FANCC: variants seen among roughly 807,000 people sequenced by gnomAD.
The protein encoded by FANCC is FA complementation group C.
Under a neutral mutation model 71.3 loss-of-function variants are expected in FANCC, and 55 were observed. The observed-to-expected ratio is 0.77, with a 90% confidence interval of 0.62 to 0.97. The LOEUF (loss-of-function observed/expected upper bound fraction) is 0.97, where lower values mean the gene tolerates loss of function less well. Among genes scored for constraint, FANCC ranks in the 50% least tolerant of loss-of-function variants. FANCC has a pLI of 0.00. For missense variants in FANCC, 678 were observed against 670.9 expected, an observed-to-expected ratio of 1.01 and a Z score of -0.12; for synonymous variants, 275 against 244.9, an observed-to-expected ratio of 1.12 and a Z score of -1.15.
intron 1 of FANCC, among the ~76,000 whole-genome samples, chr9:95,310,673 G>C (rs1292312248): frequency 6.6e-6 from 1 of 152,036 alleles, no homozygotes; most frequent in African/African-American, 2.4e-5. Context: ...ACCAATAAAA[G>C]TCCACCCCCA....
intron 1 of FANCC, chr9:95,294,833 T>C: frequency 3.3e-6 from 5 of 1,509,772 alleles, no homozygotes; most frequent in Non-Finnish European, 3.5e-6. Flanking sequence ...AGTCCATGTG[T>C]GAGACGGCAT....
chr9:95,116,765 C>T (rs1306057888), intron 11 of FANCC, among the ~76,000 whole-genome samples: 1 of 152,226 alleles, frequency 6.6e-6, no homozygotes, highest in East Asian at 1.9e-4. Flanking sequence ...CATCACTTCC[C>T]CAGCTGGATA....
chr9:95,140,726 T>C (rs1828527302), intron 7 of FANCC, among the ~76,000 whole-genome samples: 1 of 152,160 alleles, frequency 6.6e-6, no homozygotes, highest in African/African-American at 2.4e-5. Context: ...TTATGGAGAA[T>C]TGCTTACTTC....
chr9:95,099,408 C>T lies in FANCC; in HGVS notation c.*2299G>A, dbSNP rs972616013. 3.1e-5 allele frequency: 7 copies of T among 227,610 alleles called. No homozygotes were observed. The highest frequency in any genetic ancestry group is 9.0e-5 in the African/African-American group (4 of 44,588). 14.1% of individuals were successfully genotyped at this position (227,610 alleles called of 1,614,324 possible). ...TGCCCCTGTGCCCAGGCCCCGCCAACGCCGTCAAGGCCCCCTCGGCCACGC... is the reference window on the plus strand; with the variant it reads ...TGCCCCTGTGCCCAGGCCCCGCCAATGCCGTCAAGGCCCCCTCGGCCACGC... On this transcript the variant is annotated 3_prime_UTR_variant, in exon 15 of 15. Coordinates refer to ENST00000289081, the MANE Select transcript of FANCC (RefSeq NM_000136.3).
chr9:95,149,121 C>CA (rs1296956083), intron 7 of FANCC, among the ~76,000 whole-genome samples: 6 of 151,912 alleles, frequency 3.9e-5, no homozygotes, highest in South Asian at 4.2e-4. Context: ...TAAAAATAAG[C>CA]TATTTGTGTT....
intron 4 of FANCC, among the ~76,000 whole-genome samples, chr9:95,197,218 C>A (rs963774): frequency 0.42 from 63,551 of 151,766 alleles, 13,488 homozygotes; most frequent in East Asian, 0.58. Context: ...CCATGAACAC[C>A]AGGGCCCAAG....
intron 13 of FANCC, chr9:95,110,355 TA>T (rs2071818474): frequency 9.8e-7 from 1 of 1,020,414 alleles, no homozygotes; most frequent in Admixed American, 5.8e-5. Flanking sequence ...AGACAGAATA[TA>T]AAAGGGCTTT....
intron 4 of FANCC, among the ~76,000 whole-genome samples, chr9:95,210,176 G>A (rs1484435625): frequency 6.6e-6 from 1 of 151,970 alleles, no homozygotes; most frequent in African/African-American, 2.4e-5. Flanking sequence ...TCAATACATA[G>A]CAAAACTATT....
intron 1 of FANCC, among the ~76,000 whole-genome samples, chr9:95,267,060 A>T (rs1221164940): frequency 2.0e-5 from 3 of 152,206 alleles, no homozygotes; most frequent in African/African-American, 7.2e-5. Context: ...AAACACAAAG[A>T]GGCAAGACCC....
chr9:95,135,621 G>T, intron 7 of FANCC, 119 bp from the exon 8 acceptor site: 1 of 792,276 alleles, frequency 1.3e-6, no homozygotes, highest in Non-Finnish European at 2.1e-6. Context: ...CATGGTCACA[G>T]CAGTGGCTAA....
intron 1 of FANCC, chr9:95,293,621 T>C (rs1834190808): frequency 3.1e-6 from 5 of 1,614,122 alleles, no homozygotes; most frequent in East Asian, 4.5e-5. Context: ...TTATACCTTC[T>C]GCACAGTGGG....
chr9:95,260,634 A>G (rs1024371973), intron 1 of FANCC, among the ~76,000 whole-genome samples: 1 of 149,344 alleles, frequency 6.7e-6, no homozygotes, highest in Non-Finnish European at 1.5e-5. Flanking sequence ...GCACGTGTAT[A>G]CCTGGCTAAC....
chr9:95,309,948 C>A (rs999391892), intron 1 of FANCC, among the ~76,000 whole-genome samples: 1 of 152,182 alleles, frequency 6.6e-6, no homozygotes, highest in Non-Finnish European at 1.5e-5. Context: ...TGCTTAAAAT[C>A]TATTGGCTAG....
At chr9:95,273,742 G>C (rs1372944063) in intron 1 of FANCC, among the ~76,000 whole-genome samples, 1 of 152,208 alleles carries the variant, frequency 6.6e-6, no homozygotes, top group African/African-American at 2.4e-5. Context: ...CATTCTCAGG[G>C]AAGAGGATGT....
Position 95,249,277 on chromosome 9 carries a change from T to A in FANCC, c.15A>T (p.Ser5=). 1 of 1,614,098 alleles carries A rather than the reference T, an allele frequency of 6.2e-7. No individual in the cohort carries two copies. Among genetic ancestry groups the A allele is most frequent in the South Asian group, 1.1e-5 (1 of 91,074 alleles). The part of the protein sequence containing the change: MAQD[S]VDLSCDYQFW... ...ACTGATAATCACAAGAAAGATCTACTGAATCTTGAGCCATCTTGGAAAAAG... is the reference window on the plus strand; with the variant it reads ...ACTGATAATCACAAGAAAGATCTACAGAATCTTGAGCCATCTTGGAAAAAG... The change falls in exon 2 of 15, where the codon TCA becomes TCT. Residue 5 remains serine (S), a synonymous_variant. Transcript: ENST00000289081.
At chr9:95,150,257 AG>A (rs1044040315) in intron 6 of FANCC, among the ~76,000 whole-genome samples, 170 bp from the exon 7 acceptor site, 1 of 152,234 alleles carries the variant, frequency 6.6e-6, no homozygotes, top group Non-Finnish European at 1.5e-5. Context: ...CCAATTCTTT[AG>A]GAAGAAATCT....
intron 14 of FANCC, among the ~76,000 whole-genome samples, chr9:95,102,593 G>A (rs546116593): frequency 1.3e-5 from 2 of 152,342 alleles, no homozygotes; most frequent in South Asian, 2.1e-4. Flanking sequence ...TACAGAACCC[G>A]CAAATGTTTA....
intron 1 of FANCC, among the ~76,000 whole-genome samples, chr9:95,256,885 G>A (rs573388344): frequency 3.3e-4 from 50 of 152,166 alleles, no homozygotes; most frequent in Non-Finnish European, 5.7e-4. Context: ...GGGTTGCAAT[G>A]CTAGTCTCTG....
chr9:95,228,138 A>G (rs1426029278), intron 4 of FANCC, among the ~76,000 whole-genome samples: 1 of 152,162 alleles, frequency 6.6e-6, no homozygotes, highest in Non-Finnish European at 1.5e-5. Flanking sequence ...GCTTGTACAC[A>G]GTAGGCACTC....
Sources: allele counts gnomAD v4.1 joint callset (sites outside exome capture counted in the v4.1 genomes callset), GRCh38; gene constraint gnomAD v4.1.1; transcripts MANE v1.5; gene names NCBI Gene and HGNC (gene_info 2026-07-23, HGNC 2026-07-21).